PRKCE: variants seen among roughly 807,000 people sequenced by gnomAD.
PRKCE encodes the protein protein kinase C epsilon type.
In PRKCE, 16 loss-of-function variants were observed where a neutral mutation model predicts 85.4. The ratio of observed to expected loss-of-function variants is 0.19; its 90% CI spans 0.13 to 0.28. The LOEUF is 0.28. Among genes scored for constraint, PRKCE ranks in the 10% least tolerant of loss-of-function variants. The probability of loss-of-function intolerance (pLI) is 1.00; values close to 1 mark genes in which losing one functional copy is unlikely to be tolerated. For synonymous variants in PRKCE, 388 were observed against 371.5 expected (o/e 1.04, Z -0.51); for missense variants, 573 against 975.2 (o/e 0.59, Z 5.49).
chr2:45,722,650 T>C (rs778457896), intron 1 of PRKCE, among the ~76,000 whole-genome samples: 2 of 152,226 alleles, frequency 1.3e-5, no homozygotes, highest in Non-Finnish European at 2.9e-5. Context: ...GTGGCCCATC[T>C]CTCTGCGTCT....
chr2:46,178,616 A>G (rs1296243701), intron 14 of PRKCE, among the ~76,000 whole-genome samples: 1 of 152,212 alleles, frequency 6.6e-6, no homozygotes, highest in Non-Finnish European at 1.5e-5. Context: ...ATGAGGATCT[A>G]GTTAATGGTG....
At chr2:46,016,183 A>G (rs1407092898) in intron 10 of PRKCE, among the ~76,000 whole-genome samples, 1 of 152,212 alleles carries the variant, frequency 6.6e-6, no homozygotes, top group Non-Finnish European at 1.5e-5. Context: ...TAATCAGCCA[A>G]TTAACACATC....
chr2:46,072,052 C>A (rs1023288053), intron 10 of PRKCE, among the ~76,000 whole-genome samples: 4 of 152,168 alleles, frequency 2.6e-5, no homozygotes, highest in African/African-American at 9.7e-5. Flanking sequence ...GCTATTATAG[C>A]AAATATTTAT....
At chr2:46,071,332 AG>A (rs1301505670) in intron 10 of PRKCE, among the ~76,000 whole-genome samples, 1 of 152,366 alleles carries the variant, frequency 6.6e-6, no homozygotes, top group African/African-American at 2.4e-5. Flanking sequence ...TACTGAATGA[AG>A]ACTAGTGAAT....
intron 6 of PRKCE, among the ~76,000 whole-genome samples, chr2:45,997,118 ACT>A (rs1387031062): frequency 2.0e-5 from 3 of 152,034 alleles, no homozygotes; most frequent in Admixed American, 6.5e-5. Flanking sequence ...TCTTTATAAT[ACT>A]CTTTTATTCT....
At chr2:45,862,675 G>A (rs1268947002) in intron 2 of PRKCE, among the ~76,000 whole-genome samples, 2 of 152,192 alleles carry the variant, frequency 1.3e-5, no homozygotes, top group African/African-American at 2.4e-5. Context: ...CGGGAACCAG[G>A]TCACAATGCG....
chr2:46,163,609 G>A (rs1678002875), intron 14 of PRKCE, among the ~76,000 whole-genome samples: 1 of 128,036 alleles, frequency 7.8e-6, no homozygotes, highest in Non-Finnish European at 1.7e-5. Flanking sequence ...GAGACACGGG[G>A]AAGCTGAGCT....
At chr2:45,684,579 C>G (rs1677147483) in intron 1 of PRKCE, among the ~76,000 whole-genome samples, 1 of 152,154 alleles carries the variant, frequency 6.6e-6, no homozygotes, top group Non-Finnish European at 1.5e-5. Context: ...GTTGGTTGGA[C>G]CTACAATATT....
chr2:45,651,466 G>C (rs1675116811), upstream of PRKCE: 1 of 152,074 alleles, frequency 6.6e-6, no homozygotes, highest in African/African-American at 2.4e-5. Flanking sequence ...TGGCCGTGGG[G>C]CTTGTGGATT....
chr2:45,755,334 A>G (rs999155662), intron 1 of PRKCE, among the ~76,000 whole-genome samples: 10 of 152,200 alleles, frequency 6.6e-5, no homozygotes, highest in African/African-American at 2.4e-4. Context: ...ACATTTTTGC[A>G]GCCCAGATAA....
intron 1 of PRKCE, among the ~76,000 whole-genome samples, chr2:45,740,394 C>G (rs1682455385): frequency 6.6e-6 from 1 of 152,134 alleles, no homozygotes; most frequent in South Asian, 2.1e-4. Context: ...CAAGAATGAT[C>G]CTTCCTAGCC....
chr2:46,098,781 G>T (rs1024195298), intron 11 of PRKCE, among the ~76,000 whole-genome samples: 1 of 152,116 alleles, frequency 6.6e-6, no homozygotes, highest in African/African-American at 2.4e-5. Context: ...TGAATCATTA[G>T]ATTGAGCTAC....
intron 2 of PRKCE, among the ~76,000 whole-genome samples, chr2:45,926,012 C>T (rs149789060): frequency 2.1e-4 from 32 of 152,318 alleles, no homozygotes; most frequent in Non-Finnish European, 2.9e-4. Flanking sequence ...GCTGAATATT[C>T]GAAGCCTCAG....
rs1288597519 is a variant in PRKCE at position 46,187,918 on chromosome 2, A to C, written c.*3037A>C. On this transcript the variant is annotated 3_prime_UTR_variant, in exon 15 of 15. Transcript: ENST00000306156. ...TTTCATTGTAAACGTTATTGTGCCA[A>C]ATGTACTGTATTCAAAAGGATGTGA... The C allele has an allele frequency of 6.6e-6, 1 of 152,502 alleles. No homozygotes were observed. The highest frequency in any genetic ancestry group is 1.9e-4 in the East Asian group (1 of 5,190). The allele number at this position is 152,502 out of a possible 1,614,324, so 9.4% of individuals were successfully genotyped here.
intron 10 of PRKCE, among the ~76,000 whole-genome samples, chr2:46,030,122 C>T (rs1487706942): frequency 6.6e-6 from 1 of 152,194 alleles, no homozygotes; most frequent in Non-Finnish European, 1.5e-5. Context: ...GAGATCCCCA[C>T]ATCCTGGGAG....
intron 10 of PRKCE, among the ~76,000 whole-genome samples, chr2:46,057,397 G>A (rs1666685016): frequency 6.6e-6 from 1 of 152,010 alleles, no homozygotes. Context: ...TAAAGTATTG[G>A]AAACAGAGGG....
intron 1 of PRKCE, among the ~76,000 whole-genome samples, chr2:45,658,163 C>T (rs922532867): frequency 6.6e-6 from 1 of 152,118 alleles, no homozygotes; most frequent in African/African-American, 2.4e-5. Context: ...TTCGTGTGCG[C>T]CTATACCCTG....
In PRKCE at chr2:45,774,532, G is replaced by A. The variant is rs1685598590; in HGVS notation, c.349-68468G>A. Among the ~76,000 whole-genome samples, 1 of 152,090 alleles carries A rather than the reference G, an allele frequency of 6.6e-6. No homozygotes were observed. The highest frequency in any genetic ancestry group is 1.5e-5 in the Non-Finnish European group (1 of 68,008). Reference sequence around the variant, plus strand: ...CCTGTCTCCTTTCCATCATGCCAAAGCACCCCATGCCTTGGGGAAAGCTGA... The same window carrying A: ...CCTGTCTCCTTTCCATCATGCCAAAACACCCCATGCCTTGGGGAAAGCTGA... On this transcript the variant is annotated intron_variant, in intron 1 of 14. Transcript: ENST00000306156. This position sits in a 1 kb window ranked among gnomAD's most constrained non-coding sequence, Gnocchi z 4.3.
chr2:45,846,612 G>A (rs1032971409), intron 2 of PRKCE, among the ~76,000 whole-genome samples: 1 of 152,194 alleles, frequency 6.6e-6, no homozygotes, highest in Non-Finnish European at 1.5e-5. Flanking sequence ...CAGAAGAGCA[G>A]GGAACAGGAG....
Sources: allele counts gnomAD v4.1 joint callset (sites outside exome capture counted in the v4.1 genomes callset), GRCh38; gene constraint gnomAD v4.1.1; non-coding constraint Gnocchi (gnomAD v3.1); transcripts MANE v1.5; gene names NCBI Gene and HGNC (gene_info 2026-07-23, HGNC 2026-07-21).